Variants in ANO3 observed in about 807,000 individuals in gnomAD.
ANO3 encodes the protein anoctamin 3.
In ANO3, 99 loss-of-function variants were observed where a neutral mutation model predicts 144.8. That is an observed-to-expected ratio of 0.68 (90% CI 0.58 to 0.81). The LOEUF (loss-of-function observed/expected upper bound fraction) is 0.81, where lower values mean the gene tolerates loss of function less well. Ranked by LOEUF, ANO3 falls within the 30% of genes least tolerant of loss-of-function variation. ANO3 has a pLI of 0.00. For synonymous variants in ANO3, 414 were observed against 392.6 expected (o/e 1.05, Z -0.64); for missense variants, 905 against 1,202.2 (o/e 0.75, Z 3.66).
chr11:26,286,791 T>G (rs1233779075), intron 1 of ANO3, among the ~76,000 whole-genome samples: 1 of 152,160 alleles, frequency 6.6e-6, no homozygotes, highest in Non-Finnish European at 1.5e-5. Context: ...TGCTGATCGT[T>G]ATTGTTACTG....
intron 1 of ANO3, among the ~76,000 whole-genome samples, chr11:26,408,676 G>A (rs370260440): frequency 6.7e-5 from 10 of 150,250 alleles, no homozygotes; most frequent in Non-Finnish European, 1.3e-4. Flanking sequence ...ACATGCACAC[G>A]TATGTTTATT....
At chr11:26,433,815 G>A (rs1005978302) in intron 1 of ANO3, among the ~76,000 whole-genome samples, 1 of 152,068 alleles carries the variant, frequency 6.6e-6, no homozygotes, top group East Asian at 1.9e-4. Flanking sequence ...ACTTTGTTGA[G>A]GATTTTTGCA....
At chr11:26,342,428 T>G (rs188187873) in intron 1 of ANO3, among the ~76,000 whole-genome samples, 1 of 152,164 alleles carries the variant, frequency 6.6e-6, no homozygotes, top group South Asian at 2.1e-4. Context: ...GTTTGACCGC[T>G]TTTTGTTTTG....
chr11:26,640,014 C>CT (rs138652976), intron 21 of ANO3, among the ~76,000 whole-genome samples: 57,028 of 151,002 alleles, frequency 0.38, 11,577 homozygotes, highest in South Asian at 0.48. Context: ...AAATTATATT[C>CT]TTTTTTTTTC....
intron 3 of ANO3, among the ~76,000 whole-genome samples, chr11:26,444,540 A>T (rs2134027217): frequency 6.6e-6 from 1 of 152,288 alleles, no homozygotes; most frequent in African/African-American, 2.4e-5. Flanking sequence ...AGGAGTTCTC[A>T]ACTCTGGTTA....
intron 1 of ANO3, among the ~76,000 whole-genome samples, chr11:26,351,255 A>T (rs1201756579): frequency 6.6e-6 from 1 of 152,016 alleles, no homozygotes; most frequent in Non-Finnish European, 1.5e-5. Context: ...TTTCTTCAAC[A>T]GTTTGAATAT....
rs752579063 is a variant in ANO3 at position 26,599,742 on chromosome 11, T to C, written c.1836+28T>C. 88 of 1,593,748 alleles carry C rather than the reference T, an allele frequency of 5.5e-5. No homozygotes were observed. In the Middle Eastern group the frequency reaches 1.0e-3, roughly 18 times the overall value. The stretch of plus-strand genomic sequence containing the variant: ...AAGTGTCTATAATGTTATTCTTCAG[T>C]AGACAAAAAAGGGGTGGAAAGGGGA... On this transcript the variant is annotated intron_variant, in intron 17 of 26. Transcript: ENST00000256737.
chr11:26,516,242 A>T (rs1252344431), intron 5 of ANO3, among the ~76,000 whole-genome samples: 1 of 151,674 alleles, frequency 6.6e-6, no homozygotes, highest in Non-Finnish European at 1.5e-5. Context: ...AAGACACTTT[A>T]GTTCTTATTT....
At chr11:26,393,958 G>A (rs1013957918) in intron 1 of ANO3, among the ~76,000 whole-genome samples, 3 of 152,032 alleles carry the variant, frequency 2.0e-5, no homozygotes, top group Non-Finnish European at 2.9e-5. Context: ...GGACATATTC[G>A]GTTGGTTTGC....
chr11:26,508,107 G>C lies in ANO3; in HGVS notation c.436G>C (p.Asp146His), dbSNP rs1277516258. The change falls in exon 5 of 27, where the codon GAC becomes CAC. Residue 146 changes from aspartate (D) to histidine (H), a missense_variant. Physicochemically the swap from Asp to His is moderately conservative, Grantham distance 81. Around this residue, in one of 4 missense-constraint regions of ANO3, gnomAD observed 174 missense variants for 171.9 expected, o/e 1.01. Transcript: ENST00000256737. ...ACAATCATTGCTTTATTTGCAGAAT[G>C]ACATGAATTACATAGCATCCAGTGG... ...SEFKTKLSKNDMNYIASSGPL... is the reference protein window; with the variant it reads ...SEFKTKLSKNHMNYIASSGPL... The C allele has an allele frequency of 6.4e-7, 1 of 1,572,628 alleles. No individual in the cohort carries two copies. Among genetic ancestry groups the C allele is most frequent in the African/African-American group, 1.4e-5 (1 of 71,922 alleles).
chr11:26,249,326 C>T (rs990598364), intron 1 of ANO3, among the ~76,000 whole-genome samples: 3 of 151,972 alleles, frequency 2.0e-5, no homozygotes, highest in Non-Finnish European at 4.4e-5. Context: ...TTATATGAAA[C>T]GAAAATTAAA....
intron 1 of ANO3, among the ~76,000 whole-genome samples, chr11:26,214,894 T>C (rs1852006031): frequency 6.6e-6 from 1 of 151,998 alleles, no homozygotes; most frequent in African/African-American, 2.4e-5. Context: ...AGTTTTAGAT[T>C]ACCTTAACAG....
chr11:26,575,803 T>C (rs1388194892), intron 14 of ANO3, among the ~76,000 whole-genome samples: 1 of 152,192 alleles, frequency 6.6e-6, no homozygotes. Context: ...TGTTCATAGG[T>C]TTAAAATATT....
intron 1 of ANO3, among the ~76,000 whole-genome samples, chr11:26,257,246 C>G (rs1176049980): frequency 6.6e-6 from 1 of 151,936 alleles, no homozygotes; most frequent in East Asian, 1.9e-4. Flanking sequence ...ACTGGACTTA[C>G]CTAATTTTGT....
At chr11:26,372,213 T>C (rs1699856201) in intron 1 of ANO3, among the ~76,000 whole-genome samples, 1 of 152,124 alleles carries the variant, frequency 6.6e-6, no homozygotes, top group Non-Finnish European at 1.5e-5. Context: ...ATAAGGAGCT[T>C]CCCCCTTTGC....
At chr11:26,610,664 C>G (rs999710642) in intron 17 of ANO3, among the ~76,000 whole-genome samples, 2 of 152,104 alleles carry the variant, frequency 1.3e-5, no homozygotes, top group African/African-American at 4.8e-5. Context: ...TTAGGTTTTA[C>G]AGTTGAGTCT....
At chr11:26,592,609 G>A (rs534662891) in intron 14 of ANO3, among the ~76,000 whole-genome samples, 1 of 146,422 alleles carries the variant, frequency 6.8e-6, no homozygotes, top group African/African-American at 2.5e-5. Flanking sequence ...CTTCTCCTGG[G>A]TAATGGCCTG....
upstream of ANO3, among the ~76,000 whole-genome samples, chr11:26,308,766 A>C (rs1353041557): frequency 6.6e-6 from 1 of 152,216 alleles, no homozygotes; most frequent in East Asian, 1.9e-4. Flanking sequence ...CAGAGAAATA[A>C]AGGAATTACT....
At chr11:26,365,347 C>A (rs1224697135) in intron 1 of ANO3, among the ~76,000 whole-genome samples, 5 of 152,302 alleles carry the variant, frequency 3.3e-5, no homozygotes, top group East Asian at 3.9e-4. Context: ...AGTGAATCTA[C>A]CATTCTGGGG....
Sources: allele counts gnomAD v4.1 joint callset (sites outside exome capture counted in the v4.1 genomes callset), GRCh38; gene constraint gnomAD v4.1.1; regional missense constraint gnomAD v4.1.1; transcripts MANE v1.5; gene names NCBI Gene and HGNC (gene_info 2026-07-23, HGNC 2026-07-21).